The following SORCS1 variants were observed in gnomAD, a reference collection of about 807,000 sequenced individuals.
The protein encoded by SORCS1 is VPS10 domain-containing receptor SorCS1.
A neutral mutation model predicts 146.1 loss-of-function variants in SORCS1; 60 were observed. That is an observed-to-expected ratio of 0.41 (90% CI 0.33 to 0.51). The LOEUF (loss-of-function observed/expected upper bound fraction) is 0.51. SORCS1 is among the 20% of genes least tolerant of loss of function. SORCS1 has a pLI of 0.21. For missense variants in SORCS1, 1,352 were observed against 1,487.6 expected, an observed-to-expected ratio of 0.91 and a Z score of 1.50; for synonymous variants, 637 against 584.0, an observed-to-expected ratio of 1.09 and a Z score of -1.31.
intron 1 of SORCS1, among the ~76,000 whole-genome samples, chr10:107,007,671 T>C (rs1453171860): frequency 6.6e-6 from 1 of 152,206 alleles, no homozygotes; most frequent in African/African-American, 2.4e-5. Context: ...AATAGGTAAG[T>C]AGAACATTCT....
chr10:107,086,935 A>G (rs1318285294), intron 1 of SORCS1, among the ~76,000 whole-genome samples: 1 of 152,192 alleles, frequency 6.6e-6, no homozygotes, highest in Non-Finnish European at 1.5e-5. Flanking sequence ...AGGCTGAGGC[A>G]GGAGAATGGT....
intron 1 of SORCS1, among the ~76,000 whole-genome samples, chr10:107,101,954 T>C (rs533650392): frequency 1.3e-5 from 2 of 152,334 alleles, no homozygotes; most frequent in East Asian, 3.9e-4. Flanking sequence ...CAGTTTGCAA[T>C]CTCTGATCTA....
At chr10:107,074,913 T>A (rs558787735) in intron 1 of SORCS1, among the ~76,000 whole-genome samples, 28 of 152,274 alleles carry the variant, frequency 1.8e-4, no homozygotes, top group South Asian at 4.1e-4. Flanking sequence ...GTTTTTTAAA[T>A]AAAGTATATT....
In SORCS1 at chr10:106,576,999, T is replaced by A; in HGVS notation, c.*421A>T. ...AGAAGAAGAAAGAGGGAGAGGGGAG[T>A]GTTTTCCATTAAAATAGAGCACCTG... On this transcript the variant is annotated 3_prime_UTR_variant, in exon 26 of 26. Coordinates refer to ENST00000263054, the MANE Select transcript of SORCS1 (RefSeq NM_052918.5). 7 of 244,864 alleles carry A rather than the reference T, an allele frequency of 2.9e-5. No individual in the cohort carries two copies. Among genetic ancestry groups the A allele is most frequent in the Admixed American group, 1.1e-4 (2 of 18,956 alleles). The allele number at this position is 244,864 out of a possible 1,614,324, so 15.2% of individuals were successfully genotyped here. A position where few individuals can be genotyped will look rare whatever the true frequency, so the allele number is the denominator to read the frequency against.
At chr10:106,676,036 T>C (rs1852000976) in intron 13 of SORCS1, among the ~76,000 whole-genome samples, 2 of 152,226 alleles carry the variant, frequency 1.3e-5, no homozygotes, top group South Asian at 4.1e-4. Flanking sequence ...TATTTTGTTA[T>C]AGCAGGCCAA....
At chr10:106,708,867 A>G (rs1854733857) in intron 7 of SORCS1, among the ~76,000 whole-genome samples, 1 of 152,152 alleles carries the variant, frequency 6.6e-6, no homozygotes, top group African/African-American at 2.4e-5. Context: ...ATATTTGTTC[A>G]GTCCCTTTGA....
intron 3 of SORCS1, among the ~76,000 whole-genome samples, chr10:106,820,360 T>C (rs1308061494): frequency 6.6e-6 from 1 of 152,182 alleles, no homozygotes; most frequent in Admixed American, 6.5e-5. Context: ...CTAATTTAAG[T>C]ACTTGACTTG....
At chr10:106,707,444 G>C (rs1854614122) in intron 7 of SORCS1, among the ~76,000 whole-genome samples, 1 of 152,044 alleles carries the variant, frequency 6.6e-6, no homozygotes, top group Non-Finnish European at 1.5e-5. Flanking sequence ...CAGGTGATCT[G>C]CCCGCCTCGG....
chr10:106,823,074 C>T (rs1948132967), intron 3 of SORCS1, among the ~76,000 whole-genome samples: 14 of 152,018 alleles, frequency 9.2e-5, no homozygotes, highest in Admixed American at 9.2e-4. Context: ...TAAGCCACCG[C>T]ACCTGGACCA....
intron 2 of SORCS1, among the ~76,000 whole-genome samples, chr10:106,844,343 T>G (rs1452962718): frequency 6.6e-6 from 1 of 152,128 alleles, no homozygotes; most frequent in African/African-American, 2.4e-5. Context: ...TTGCTTTTGG[T>G]GTCTGTGCTT....
intron 2 of SORCS1, among the ~76,000 whole-genome samples, chr10:106,884,165 T>C (rs1355617711): frequency 1.3e-5 from 2 of 152,166 alleles, no homozygotes; most frequent in Non-Finnish European, 2.9e-5. Flanking sequence ...TTCATGGCAC[T>C]CCCGCAATGT....
chr10:106,635,257 C>A (rs1005722927), intron 18 of SORCS1, among the ~76,000 whole-genome samples: 2 of 152,138 alleles, frequency 1.3e-5, no homozygotes, highest in African/African-American at 2.4e-5. Flanking sequence ...GCATCAGAGA[C>A]CCATTGCAGA....
At chr10:106,625,432 T>TA (rs2133546633) in intron 19 of SORCS1, among the ~76,000 whole-genome samples, 1 of 152,334 alleles carries the variant, frequency 6.6e-6, no homozygotes, top group African/African-American at 2.4e-5. Context: ...CACTGTACGT[T>TA]AAAATCATAC....
At chr10:106,854,406 T>TCA (rs1799074031) in intron 2 of SORCS1, among the ~76,000 whole-genome samples, 1 of 151,978 alleles carries the variant, frequency 6.6e-6, no homozygotes, top group African/African-American at 2.4e-5. Context: ...ATCCACTCCA[T>TCA]CAATCTCTGT....
chr10:107,019,517 A>G (rs932626478), intron 1 of SORCS1, among the ~76,000 whole-genome samples: 4 of 152,174 alleles, frequency 2.6e-5, no homozygotes, highest in African/African-American at 9.7e-5. Context: ...AAAGTTCCAG[A>G]CTGAACTTTT....
At chr10:106,703,177 T>TA (rs879675973) in intron 8 of SORCS1, among the ~76,000 whole-genome samples, 329 of 142,528 alleles carry the variant, frequency 2.3e-3, no homozygotes, top group African/African-American at 3.5e-3. Context: ...GCTCCTTATT[T>TA]AAAAAAAAAA....
intron 2 of SORCS1, among the ~76,000 whole-genome samples, chr10:106,889,888 T>TTAAAAAA (rs1554875507): frequency 1.8e-4 from 13 of 71,668 alleles, no homozygotes; most frequent in East Asian, 4.3e-4. Flanking sequence ...ACGTCTCAAA[T>TTAAAAAA]AAAAAAAAAA....
chr10:106,743,948 C>A (rs374558018), intron 5 of SORCS1, among the ~76,000 whole-genome samples: 1 of 151,872 alleles, frequency 6.6e-6, no homozygotes, highest in African/African-American at 2.4e-5. Context: ...ACTCCTTTTT[C>A]TTTTTAAGAC....
intron 6 of SORCS1, among the ~76,000 whole-genome samples, chr10:106,725,114 T>C (rs1856056015): frequency 6.6e-6 from 1 of 151,944 alleles, no homozygotes; most frequent in Admixed American, 6.6e-5. Context: ...CACTCCGGGC[T>C]GGGCAACAGA....
Sources: gnomAD v4.1 joint callset for allele counts (sites outside exome capture counted in the v4.1 genomes callset) on GRCh38, gnomAD v4.1.1 for gene constraint, MANE v1.5 for transcripts, NCBI Gene and HGNC (gene_info 2026-07-23, HGNC 2026-07-21) for gene names.